Variants in KCNQ5 observed in about 807,000 individuals in gnomAD.
KCNQ5 encodes potassium voltage-gated channel subfamily Q member 5.
Under a neutral mutation model 98.2 loss-of-function variants are expected in KCNQ5, and 30 were observed. That is an observed-to-expected ratio of 0.31 (90% CI 0.23 to 0.41). The LOEUF (loss-of-function observed/expected upper bound fraction) is 0.41. KCNQ5 is among the 10% of genes least tolerant of loss of function. The pLI is 1.00. For synonymous variants in KCNQ5, 458 were observed against 449.4 expected (o/e 1.02, Z -0.24); for missense variants, 835 against 1,182.5 (o/e 0.71, Z 4.31).
At chr6:72,698,497 C>A (rs1768620759) in intron 1 of KCNQ5, among the ~76,000 whole-genome samples, 1 of 152,036 alleles carries the variant, frequency 6.6e-6, no homozygotes, top group Non-Finnish European at 1.5e-5. Flanking sequence ...GCCACCGCAC[C>A]TGGCTTGTTT....
intron 1 of KCNQ5, among the ~76,000 whole-genome samples, chr6:72,988,068 A>G (rs1316134918): frequency 9.2e-5 from 14 of 152,168 alleles, no homozygotes. Context: ...GGGAGCCAGG[A>G]GAACAAGTGA....
intron 1 of KCNQ5, among the ~76,000 whole-genome samples, chr6:72,970,497 A>G (rs1471064589): frequency 6.6e-6 from 1 of 152,220 alleles, no homozygotes; most frequent in Non-Finnish European, 1.5e-5. Context: ...ATGCAGTTTC[A>G]GTAGTACCAA....
chr6:73,157,228 G>T (rs1050223822), intron 10 of KCNQ5, among the ~76,000 whole-genome samples: 4 of 152,250 alleles, frequency 2.6e-5, no homozygotes, highest in African/African-American at 9.6e-5. Context: ...AGGCCTTGCA[G>T]GGTCCAAGTG....
At chr6:72,808,787 A>C (rs1775079958) in intron 1 of KCNQ5, among the ~76,000 whole-genome samples, 1 of 152,094 alleles carries the variant, frequency 6.6e-6, no homozygotes, top group Non-Finnish European at 1.5e-5. Context: ...TCTCTACTAA[A>C]AATACAAAAA....
intron 3 of KCNQ5, among the ~76,000 whole-genome samples, chr6:73,075,262 C>T (rs1187658100): frequency 2.0e-5 from 3 of 148,320 alleles, no homozygotes; most frequent in African/African-American, 2.5e-5. Context: ...CTTGCTCTGT[C>T]GCTAGGCTGG....
intron 1 of KCNQ5, among the ~76,000 whole-genome samples, chr6:72,849,913 A>G (rs1020225596): frequency 7.2e-5 from 11 of 152,184 alleles, no homozygotes; most frequent in Non-Finnish European, 1.6e-4. Context: ...AATTTATAAT[A>G]CACACCCCAA....
At chr6:73,084,321 C>G (rs1773895732) in intron 5 of KCNQ5, among the ~76,000 whole-genome samples, 1 of 152,150 alleles carries the variant, frequency 6.6e-6, no homozygotes, top group Non-Finnish European at 1.5e-5. Context: ...ATGTTGGATT[C>G]CCAGCCTAAA....
At chr6:73,159,022 T>C (rs1777503885) in intron 10 of KCNQ5, among the ~76,000 whole-genome samples, 1 of 152,234 alleles carries the variant, frequency 6.6e-6, no homozygotes, top group African/African-American at 2.4e-5. Flanking sequence ...CTTTTTGAAC[T>C]TATTTTACAA....
At chr6:72,687,286 G>A (rs768534522) in intron 1 of KCNQ5, among the ~76,000 whole-genome samples, 4 of 152,170 alleles carry the variant, frequency 2.6e-5, no homozygotes, top group Non-Finnish European at 2.9e-5. Flanking sequence ...TTCTTAGGAT[G>A]TTATGTCTAT....
intron 10 of KCNQ5, among the ~76,000 whole-genome samples, chr6:73,162,010 A>G (rs1005693128): frequency 3.3e-5 from 5 of 151,952 alleles, no homozygotes; most frequent in African/African-American, 4.8e-5. Flanking sequence ...TCCTTCTCCC[A>G]CGTTCAAGCA....
intron 1 of KCNQ5, among the ~76,000 whole-genome samples, chr6:72,663,344 G>A (rs1250620553): frequency 6.6e-6 from 1 of 152,130 alleles, no homozygotes; most frequent in African/African-American, 2.4e-5. Flanking sequence ...AGGATGTAAA[G>A]CATTAAATAC....
At chr6:73,002,856 C>T (rs1029672314) in intron 1 of KCNQ5, among the ~76,000 whole-genome samples, 7 of 152,188 alleles carry the variant, frequency 4.6e-5, no homozygotes, top group Admixed American at 1.3e-4. Flanking sequence ...TCTGGCTATA[C>T]TGCCCAAACC....
chr6:73,136,261 G>C (rs574440258), intron 10 of KCNQ5: 1 of 152,166 alleles, frequency 6.6e-6, no homozygotes, highest in African/African-American at 2.4e-5. Context: ...CTTACTGTTG[G>C]CTGAGCATAT....
chr6:72,996,114 A>C (rs1769288209), intron 1 of KCNQ5, among the ~76,000 whole-genome samples: 1 of 152,226 alleles, frequency 6.6e-6, no homozygotes, highest in African/African-American at 2.4e-5. Context: ...TCCTGGTACA[A>C]TGTCTGTAAA....
chr6:72,983,873 T>C (rs1768604266), intron 1 of KCNQ5, among the ~76,000 whole-genome samples: 1 of 152,174 alleles, frequency 6.6e-6, no homozygotes, highest in East Asian at 1.9e-4. Flanking sequence ...GGATGTCCTT[T>C]TTGTGGATGT....
At chr6:72,909,830 C>T (rs1354319533) in intron 1 of KCNQ5, among the ~76,000 whole-genome samples, 1 of 152,158 alleles carries the variant, frequency 6.6e-6, no homozygotes, top group Non-Finnish European at 1.5e-5. Flanking sequence ...ATGTTTCAAA[C>T]TGTTAATCAC....
At chr6:72,795,826 G>A (rs1220048681) in intron 1 of KCNQ5, among the ~76,000 whole-genome samples, 1 of 151,994 alleles carries the variant, frequency 6.6e-6, no homozygotes, top group Non-Finnish European at 1.5e-5. Flanking sequence ...TTATTATCAT[G>A]ACTTTTTACT....
chr6:73,132,299 T>A (rs1244795878), intron 9 of KCNQ5, among the ~76,000 whole-genome samples: 1 of 152,096 alleles, frequency 6.6e-6, no homozygotes, highest in East Asian at 1.9e-4. Context: ...TCAGACTCAT[T>A]GCCCAGGATT....
chr6:72,691,333 A>G (rs560911743), intron 1 of KCNQ5, among the ~76,000 whole-genome samples: 4 of 152,346 alleles, frequency 2.6e-5, no homozygotes, highest in East Asian at 1.9e-4. Flanking sequence ...AAAACACCCA[A>G]TGCCACTGGA....
Sources: allele counts gnomAD v4.1 joint callset (sites outside exome capture counted in the v4.1 genomes callset), GRCh38; gene constraint gnomAD v4.1.1; transcripts MANE v1.5; gene names NCBI Gene and HGNC (gene_info 2026-07-23, HGNC 2026-07-21).